HFM1: variants seen among roughly 807,000 people sequenced by gnomAD.
HFM1 encodes the protein probable ATP-dependent DNA helicase HFM1.
In HFM1, 169 loss-of-function variants were observed where a neutral mutation model predicts 192.1. The observed-to-expected ratio is 0.88, with a 90% CI of 0.78 to 1.00. HFM1 has a LOEUF of 1.00. Among genes scored for constraint, HFM1 ranks in the 50% least tolerant of loss-of-function variants. The probability of loss-of-function intolerance (pLI) is 0.00; values close to 1 mark genes in which losing one functional copy is unlikely to be tolerated. For synonymous variants in HFM1, 525 were observed against 537.8 expected (o/e 0.98, Z 0.33); for missense variants, 1,661 against 1,668.0 (o/e 1.00, Z 0.07).
intron 20 of HFM1, among the ~76,000 whole-genome samples, chr1:91,330,894 AC>A (rs1254450189): frequency 6.6e-6 from 1 of 152,242 alleles, no homozygotes; most frequent in Non-Finnish European, 1.5e-5. Flanking sequence ...ACAATGAAGA[AC>A]AAAAATCACA....
At chr1:91,406,629 G>T (rs1313827251), upstream of HFM1, among the ~76,000 whole-genome samples, 1 of 152,142 alleles carries the variant, frequency 6.6e-6, no homozygotes. Context: ...TAATCCTAAA[G>T]ATTTAATTTT....
At position 91,380,909 on chromosome 1, in the gene HFM1, T is replaced by A; in HGVS notation, c.873+3A>T. The A allele has an allele frequency of 4.0e-6, 5 of 1,242,876 alleles. No individual in the cohort carries two copies. Among genetic ancestry groups the A allele is most frequent in the Non-Finnish European group, 5.9e-6 (5 of 853,938 alleles). The allele number at this position is 1,242,876 out of a possible 1,614,324, so 77.0% of individuals were successfully genotyped here. On this transcript the variant is annotated splice_donor_region_variant and intron_variant, in intron 7 of 38. Coordinates refer to ENST00000370425, the MANE Select transcript of HFM1 (RefSeq NM_001017975.6). ...AAATAAATAAGTAAAATAAAATACTTACATCATCAAAGGCCTTGGACTGTA... is the reference window on the plus strand; with the variant it reads ...AAATAAATAAGTAAAATAAAATACTAACATCATCAAAGGCCTTGGACTGTA...
chr1:91,372,245 C>T (rs546759816), intron 13 of HFM1, among the ~76,000 whole-genome samples: 2 of 152,298 alleles, frequency 1.3e-5, no homozygotes, highest in South Asian at 2.1e-4. Flanking sequence ...TGGGTATATA[C>T]CCAAAGGATT....
At chr1:91,396,248 T>C (rs560739542) in intron 3 of HFM1, 45 bp downstream of exon 3, 1 of 917,386 alleles carries the variant, frequency 1.1e-6, no homozygotes, top group Non-Finnish European at 1.7e-6. Flanking sequence ...AATATTGCCA[T>C]GAACTGTATG....
chr1:91,316,217 C>T (rs1477801864), intron 26 of HFM1, 33 bp from the exon 27 acceptor site: 5 of 1,282,168 alleles, frequency 3.9e-6, no homozygotes, highest in Non-Finnish European at 4.4e-6. Context: ...ATTCTTACCA[C>T]AACACTTGAA....
At chr1:91,314,235 T>C (rs1650884373) in intron 28 of HFM1, among the ~76,000 whole-genome samples, 175 bp from the exon 29 acceptor site, 1 of 152,176 alleles carries the variant, frequency 6.6e-6, no homozygotes, top group Admixed American at 6.5e-5. Context: ...TGGAACTCTC[T>C]TGACCATGAT....
chr1:91,384,191 T>G (rs1214669056), intron 6 of HFM1, among the ~76,000 whole-genome samples: 1 of 152,198 alleles, frequency 6.6e-6, no homozygotes, highest in Non-Finnish European at 1.5e-5. Flanking sequence ...CAGAACAATT[T>G]CCTTACTTTA....
chr1:91,348,355 C>T (rs1309640901), intron 18 of HFM1, among the ~76,000 whole-genome samples: 1 of 152,060 alleles, frequency 6.6e-6, no homozygotes, highest in Non-Finnish European at 1.5e-5. Flanking sequence ...CAAAATATGG[C>T]ACTTTTGAAC....
intron 4 of HFM1, among the ~76,000 whole-genome samples, chr1:91,386,281 C>T (rs1662211321): frequency 6.6e-6 from 1 of 152,202 alleles, no homozygotes; most frequent in African/African-American, 2.4e-5. Flanking sequence ...ACTCAAACAA[C>T]CCTATGAAGA....
intron 30 of HFM1, among the ~76,000 whole-genome samples, chr1:91,311,208 T>C (rs1650388711): frequency 6.6e-6 from 1 of 152,218 alleles, no homozygotes; most frequent in Non-Finnish European, 1.5e-5. Flanking sequence ...GGTGGCATTT[T>C]GCCCCTGCCC....
intron 4 of HFM1, among the ~76,000 whole-genome samples, chr1:91,389,822 AG>A (rs1662715023): frequency 6.6e-6 from 1 of 152,218 alleles, no homozygotes; most frequent in Non-Finnish European, 1.5e-5. Context: ...GAAAATAACA[AG>A]TACTGGACAG....
intron 21 of HFM1, among the ~76,000 whole-genome samples, chr1:91,323,894 A>G (rs186915183): frequency 7.2e-5 from 11 of 152,318 alleles, no homozygotes; most frequent in Non-Finnish European, 1.3e-4. Context: ...TGACTCCTCA[A>G]TCATAACTGG....
chr1:91,397,214 A>C (rs1173400142), intron 2 of HFM1, among the ~76,000 whole-genome samples: 1 of 152,224 alleles, frequency 6.6e-6, no homozygotes, highest in Non-Finnish European at 1.5e-5. Context: ...AACCATCTAC[A>C]AACTACAGAA....
intron 20 of HFM1, among the ~76,000 whole-genome samples, chr1:91,334,726 C>T (rs370185688): frequency 2.2e-4 from 34 of 151,978 alleles, no homozygotes; most frequent in African/African-American, 8.0e-4. Flanking sequence ...GTCAGGAGTT[C>T]GAGACCAGCC....
In HFM1 at chr1:91,315,817, A is replaced by C. The variant is rs764946665; in HGVS notation, c.3138T>G (p.Ile1046Met). ...ADNQVVYLHK[I>M]TDSVLLKAGS... ...AACATCAGAAATTTCACACTTACGT[A>C]ATCTTGTGCAGATAAACTACTTGAT... The change falls in exon 28 of 39, where the codon ATT becomes ATG. Residue 1046 changes from isoleucine (I) to methionine (M), a missense_variant and splice_region_variant. By Grantham distance (10) the Ile-to-Met change is conservative. Transcript: ENST00000370425. 1.9e-6 allele frequency: 3 copies of C among 1,599,268 alleles called. No homozygotes were observed. In the Admixed American group the frequency reaches 5.2e-5, roughly 28 times the overall value.
At chr1:91,291,147 A>G (rs958523704) in intron 30 of HFM1, among the ~76,000 whole-genome samples, 1 of 152,192 alleles carries the variant, frequency 6.6e-6, no homozygotes, top group African/African-American at 2.4e-5. Context: ...AAGAACTAGA[A>G]AAGCAAGAGC....
At chr1:91,336,739 C>A (rs281953) in intron 20 of HFM1, among the ~76,000 whole-genome samples, 54,970 of 152,004 alleles carry the variant, frequency 0.36, 10,573 homozygotes, top group East Asian at 0.52. Context: ...GGGTATATAC[C>A]CAAAGGAATA....
intron 20 of HFM1, among the ~76,000 whole-genome samples, chr1:91,342,439 G>A (rs186869571): frequency 2.8e-3 from 423 of 152,218 alleles, no homozygotes; most frequent in African/African-American, 9.5e-3. Flanking sequence ...CTAAAGAATG[G>A]AGCATCTTTA....
intron 20 of HFM1, among the ~76,000 whole-genome samples, chr1:91,337,008 T>C (rs281952): frequency 1 from 152,159 of 152,342 alleles, 75,988 homozygotes; most frequent in Non-Finnish European, 1. Flanking sequence ...CATGTTCTCA[T>C]TTATAAATGG....
Sources: allele counts gnomAD v4.1 joint callset (sites outside exome capture counted in the v4.1 genomes callset), GRCh38; gene constraint gnomAD v4.1.1; transcripts MANE v1.5; gene names NCBI Gene and HGNC (gene_info 2026-07-23, HGNC 2026-07-21).